Variants in POLE2 observed in about 807,000 individuals in gnomAD.
POLE2 encodes the protein DNA polymerase epsilon 2, accessory subunit, also known as DNA polymerase epsilon subunit 2.
Under a neutral mutation model 79.4 loss-of-function variants are expected in POLE2, and 56 were observed. The observed-to-expected ratio is 0.71, with a 90% CI of 0.57 to 0.88. The LOEUF (loss-of-function observed/expected upper bound fraction) is 0.88, where lower values mean the gene tolerates loss of function less well. Among genes scored for constraint, POLE2 ranks in the 40% least tolerant of loss-of-function variants. The pLI is 0.00. For synonymous variants in POLE2, 212 were observed against 214.0 expected, an observed-to-expected ratio of 0.99 and a Z score of 0.08; for missense variants, 598 against 638.9, an observed-to-expected ratio of 0.94 and a Z score of 0.69.
intron 10 of POLE2, among the ~76,000 whole-genome samples, chr14:49,660,454 A>C (rs1885021737): frequency 6.6e-6 from 1 of 151,744 alleles, no homozygotes; most frequent in African/African-American, 2.4e-5. Flanking sequence ...GCCTTCATAT[A>C]TTTTCTAATT....
intron 9 of POLE2, among the ~76,000 whole-genome samples, chr14:49,663,684 TC>T (rs1442054550): frequency 1.3e-5 from 2 of 152,182 alleles, no homozygotes; most frequent in African/African-American, 4.8e-5. Flanking sequence ...AGTGTTTTTT[TC>T]AACTTTATTG....
chr14:49,683,507 C>G lies in POLE2; in HGVS notation c.169+86G>C, dbSNP rs1395844187. ...ACACTGGGACATCTTAATAGTGAAGCCTCAACTTCAATTTAAATCTATACA... is the reference window on the plus strand; with the variant it reads ...ACACTGGGACATCTTAATAGTGAAGGCTCAACTTCAATTTAAATCTATACA... On this transcript the variant is annotated intron_variant, in intron 2 of 18. Coordinates refer to ENST00000216367, the MANE Select transcript of POLE2 (RefSeq NM_002692.4). 6 of 649,578 alleles carry G rather than the reference C, an allele frequency of 9.2e-6. No homozygotes were observed. The Admixed American group carries it at 1.1e-4, about 12-fold the overall frequency. 40.2% of individuals were successfully genotyped at this position (649,578 alleles called of 1,614,324 possible).
Position 49,688,035 on chromosome 14 carries a change from C to A in POLE2, c.68+101G>T. ...TCTGAAATTTAAGGTCAAGCCCCCTCTCGGCGCGCGGGGAGCCGCCGCGGT... is the reference window on the plus strand; with the variant it reads ...TCTGAAATTTAAGGTCAAGCCCCCTATCGGCGCGCGGGGAGCCGCCGCGGT... On this transcript the variant is annotated intron_variant, in intron 1 of 18. Transcript: ENST00000216367. The A allele has an allele frequency of 3.0e-6, 3 of 992,716 alleles. No homozygotes were observed. In the South Asian group the frequency reaches 4.2e-5, roughly 14 times the overall value. The allele number at this position is 992,716 out of a possible 1,614,324, so 61.5% of individuals were successfully genotyped here. A position where few individuals can be genotyped will look rare whatever the true frequency, so the allele number is the denominator to read the frequency against.
intron 3 of POLE2, among the ~76,000 whole-genome samples, chr14:49,678,172 G>C (rs376414923): frequency 6.6e-6 from 1 of 151,824 alleles, no homozygotes; most frequent in South Asian, 2.1e-4. Flanking sequence ...GCTAATTTTT[G>C]TATTTTTTAG....
chr14:49,672,941 C>A (rs2139668379), intron 5 of POLE2, among the ~76,000 whole-genome samples: 2 of 152,264 alleles, frequency 1.3e-5, no homozygotes, highest in Non-Finnish European at 2.9e-5. Flanking sequence ...TCACTTGATA[C>A]TCTCCTGGCA....
chr14:49,679,562 T>C, intron 3 of POLE2, 163 bp downstream of exon 3: 1 of 537,804 alleles, frequency 1.9e-6, no homozygotes, highest in Non-Finnish European at 3.4e-6. Context: ...AGTCATTTAA[T>C]AATGAGGTTT....
intron 5 of POLE2, among the ~76,000 whole-genome samples, chr14:49,670,565 A>G (rs1234885473): frequency 6.6e-6 from 1 of 152,118 alleles, no homozygotes; most frequent in Admixed American, 6.6e-5. Context: ...AGGTCTAGAA[A>G]ATGAAAGTAC....
intron 14 of POLE2, 23 bp downstream of exon 14, chr14:49,654,132 G>C: frequency 6.2e-7 from 1 of 1,600,578 alleles, no homozygotes; most frequent in Non-Finnish European, 8.5e-7. Context: ...CTACACTGTT[G>C]CAAAAATCTG....
intron 3 of POLE2, among the ~76,000 whole-genome samples, chr14:49,675,667 C>T (rs990014483): frequency 6.6e-6 from 1 of 150,658 alleles, no homozygotes; most frequent in African/African-American, 2.4e-5. Context: ...CTCAAGTGAT[C>T]CGCCTGCCTC....
intron 10 of POLE2, among the ~76,000 whole-genome samples, chr14:49,657,062 G>A (rs1324151952): frequency 1.3e-5 from 2 of 150,126 alleles, no homozygotes; most frequent in Non-Finnish European, 2.9e-5. Flanking sequence ...GTAGTAAGCC[G>A]AGATCATGCC....
At position 49,651,335 on chromosome 14, in the gene POLE2, G is replaced by C; in HGVS notation, c.1254C>G (p.Asp418Glu). 6.3e-7 allele frequency: 1 copy of C among 1,598,698 alleles called. No homozygotes were observed. The highest frequency in any genetic ancestry group is 8.6e-7 in the Non-Finnish European group (1 of 1,166,996). Reference sequence around the variant, plus strand: ...AGTTTCTGCACATTTTATTTACTAAGTCTTCACGGAAGACAGTAATTTCCT... The same window carrying C: ...AGTTTCTGCACATTTTATTTACTAACTCTTCACGGAAGACAGTAATTTCCT... ...CTQEITVFREDLVNKMCRNCV... is the reference protein window; with the variant it reads ...CTQEITVFREELVNKMCRNCV... The change falls in exon 16 of 19, where the codon GAC becomes GAG. Residue 418 changes from aspartate to glutamate, a missense_variant. Asp to Glu is a conservative substitution (Grantham distance 45). Transcript: ENST00000216367.
chr14:49,663,491 T>C (rs1885240739), intron 9 of POLE2, 104 bp from the exon 10 acceptor site: 1 of 609,630 alleles, frequency 1.6e-6, no homozygotes, highest in African/African-American at 1.9e-5. Flanking sequence ...TCATGCCCTG[T>C]GAACTAATTA....
At chr14:49,657,815 TG>T (rs1884805657) in intron 10 of POLE2, among the ~76,000 whole-genome samples, 1 of 152,192 alleles carries the variant, frequency 6.6e-6, no homozygotes, top group Non-Finnish European at 1.5e-5. Flanking sequence ...ACTGAACCAT[TG>T]CTCCTTGGGA....
At chr14:49,669,745 A>T in intron 5 of POLE2, 147 bp from the exon 6 acceptor site, 1 of 594,650 alleles carries the variant, frequency 1.7e-6, no homozygotes, top group South Asian at 2.1e-5. Flanking sequence ...ATAATTTAAC[A>T]TACAAATATC....
chr14:49,667,925 C>T (rs1054369147), intron 6 of POLE2, among the ~76,000 whole-genome samples: 14 of 151,950 alleles, frequency 9.2e-5, no homozygotes, highest in African/African-American at 3.4e-4. Flanking sequence ...TATATAATCC[C>T]ATCATTCCAT....
chr14:49,687,993 C>T, intron 1 of POLE2, 143 bp downstream of exon 1: 1 of 673,486 alleles, frequency 1.5e-6, no homozygotes, highest in Non-Finnish European at 2.5e-6. Context: ...CCACCGCGCC[C>T]GACCGCTTCT....
chr14:49,649,889 G>C (rs553215251), intron 17 of POLE2, among the ~76,000 whole-genome samples: 91 of 152,320 alleles, frequency 6.0e-4, no homozygotes, highest in African/African-American at 2.0e-3. Flanking sequence ...TTTGGGACCT[G>C]TGCAATTTCC....
chr14:49,652,298 A>G (rs1310759017), intron 15 of POLE2, among the ~76,000 whole-genome samples: 1 of 10,028 alleles, frequency 1.0e-4, no homozygotes, highest in East Asian at 3.7e-4. Flanking sequence ...AAAAAAAAAA[A>G]AAAAAAAAAA....
chr14:49,665,782 G>A (rs1476274539), intron 7 of POLE2, among the ~76,000 whole-genome samples: 2 of 151,394 alleles, frequency 1.3e-5, no homozygotes, highest in East Asian at 3.9e-4. Flanking sequence ...AGGCCCTATG[G>A]AGAGAGAAAA....
Sources: allele counts gnomAD v4.1 joint callset (sites outside exome capture counted in the v4.1 genomes callset), GRCh38; gene constraint gnomAD v4.1.1; transcripts MANE v1.5; gene names NCBI Gene and HGNC (gene_info 2026-07-23, HGNC 2026-07-21).